The following CORIN variants were observed in gnomAD, a reference collection of about 807,000 sequenced individuals.
CORIN encodes atrial natriuretic peptide-converting enzyme.
Under a neutral mutation model 125.3 loss-of-function variants are expected in CORIN, and 117 were observed. The ratio of observed to expected loss-of-function variants is 0.93; its 90% CI spans 0.80 to 1.09. CORIN has a LOEUF of 1.09. Ranked by LOEUF, CORIN falls within the 50% of genes least tolerant of loss-of-function variation. CORIN has a pLI of 0.00. For missense variants in CORIN, 1,253 were observed against 1,306.7 expected (o/e 0.96, Z 0.63); for synonymous variants, 450 against 466.4 (o/e 0.96, Z 0.45).
At chr4:47,731,392 A>G (rs1727866564) in intron 5 of CORIN, among the ~76,000 whole-genome samples, 2 of 152,172 alleles carry the variant, frequency 1.3e-5, no homozygotes, top group Non-Finnish European at 2.9e-5. Flanking sequence ...TACCAGTGGT[A>G]TTTAAAGCCA....
chr4:47,678,970 T>C (rs1395058114), intron 8 of CORIN, among the ~76,000 whole-genome samples: 1 of 152,250 alleles, frequency 6.6e-6, no homozygotes, highest in Non-Finnish European at 1.5e-5. Context: ...ATTGTGACTT[T>C]TTATATGACT....
chr4:47,771,678 G>T (rs1353962477), intron 3 of CORIN, among the ~76,000 whole-genome samples: 1 of 152,086 alleles, frequency 6.6e-6, no homozygotes, highest in Non-Finnish European at 1.5e-5. Flanking sequence ...CCACTTATAA[G>T]TGAAAACATG....
At chr4:47,787,669 C>CAT (rs201237167) in intron 2 of CORIN, among the ~76,000 whole-genome samples, 1,851 of 152,292 alleles carry the variant, frequency 0.012, 50 homozygotes, top group African/African-American at 0.042. Flanking sequence ...TGTTTGGTAA[C>CAT]GAGTAAGTTC....
rs141909615 is a variant in CORIN at position 47,744,497 on chromosome 4, G to A, written c.704C>T (p.Pro235Leu). The A allele has an allele frequency of 3.2e-5, 51 of 1,613,668 alleles. No individual in the cohort carries two copies. The highest frequency in any genetic ancestry group is 1.6e-4 in the Middle Eastern group (1 of 6,082). Residue 235 changes from proline (P) to leucine (L), a missense_variant, in exon 5 of 22, where the codon CCG (proline) becomes CTG (leucine). By Grantham distance (98) the Pro-to-Leu change is moderately conservative (BLOSUM62 -3). Coordinates refer to ENST00000273857, the MANE Select transcript of CORIN (RefSeq NM_006587.4). ...AAACTGGGAGCATCTGAGGAAATCC[G>A]GCCAGGAGTAATTCACCATCCCCAG... ...SVLGMVNYSW[P>L]DFLRCSQFRN...
chr4:47,738,198 C>A (rs1053354486), intron 5 of CORIN, among the ~76,000 whole-genome samples: 1 of 151,978 alleles, frequency 6.6e-6, no homozygotes, highest in Non-Finnish European at 1.5e-5. Flanking sequence ...AAGAAGGACC[C>A]AGAAAGGCCC....
chr4:47,679,766 G>A (rs1422835367), intron 8 of CORIN: 2 of 167,400 alleles, frequency 1.2e-5, no homozygotes, highest in Non-Finnish European at 2.6e-5. Flanking sequence ...ACTCCTGCAG[G>A]GAAGCTTAAC....
At chr4:47,745,336 C>G (rs759605527) in intron 4 of CORIN, among the ~76,000 whole-genome samples, 1 of 152,208 alleles carries the variant, frequency 6.6e-6, no homozygotes, top group Non-Finnish European at 1.5e-5. Flanking sequence ...TTCTACTTTA[C>G]AGCTGAAGGC....
chr4:47,757,953 G>T (rs1036546607), intron 4 of CORIN, among the ~76,000 whole-genome samples: 2 of 146,568 alleles, frequency 1.4e-5, no homozygotes, highest in Non-Finnish European at 3.0e-5. Context: ...TCACTCCATC[G>T]TCCAGGCTGA....
chr4:47,618,484 G>A (rs914729628), intron 19 of CORIN, among the ~76,000 whole-genome samples: 3 of 151,954 alleles, frequency 2.0e-5, no homozygotes, highest in Admixed American at 6.6e-5. Context: ...AGACTGAAGT[G>A]AGAAGTGATG....
intron 5 of CORIN, among the ~76,000 whole-genome samples, chr4:47,739,092 T>C (rs1728263690): frequency 6.6e-6 from 1 of 151,994 alleles, no homozygotes; most frequent in Admixed American, 6.6e-5. Flanking sequence ...AACATACTCA[T>C]AATGGGAGTC....
chr4:47,613,408 G>A (rs979024404), intron 19 of CORIN, among the ~76,000 whole-genome samples: 9 of 152,102 alleles, frequency 5.9e-5, no homozygotes, highest in East Asian at 3.9e-4. Flanking sequence ...AGCCGAGACC[G>A]TGCCATTGCA....
intron 14 of CORIN, 68 bp from the exon 15 acceptor site, chr4:47,643,324 A>G: frequency 2.8e-6 from 4 of 1,404,454 alleles, no homozygotes; most frequent in Non-Finnish European, 3.9e-6. Flanking sequence ...ACTAACATGC[A>G]TATCTTCATG....
At chr4:47,671,564 G>A (rs922835345) in intron 10 of CORIN, among the ~76,000 whole-genome samples, 5 of 152,034 alleles carry the variant, frequency 3.3e-5, no homozygotes, top group African/African-American at 1.2e-4. Flanking sequence ...TGCAAGTTAG[G>A]CACATACGCC....
chr4:47,639,684 T>A (rs980685377), intron 16 of CORIN, among the ~76,000 whole-genome samples: 4 of 152,198 alleles, frequency 2.6e-5, no homozygotes, highest in Admixed American at 2.0e-4. Context: ...AGGGCTTTGA[T>A]CTGGAGGAAA....
chr4:47,741,164 A>G (rs1389472183), intron 5 of CORIN, among the ~76,000 whole-genome samples: 1 of 152,062 alleles, frequency 6.6e-6, no homozygotes, highest in Non-Finnish European at 1.5e-5. Flanking sequence ...ATGTAGGAAG[A>G]TATTTGAAGA....
intron 1 of CORIN, among the ~76,000 whole-genome samples, chr4:47,829,779 G>A (rs546701159): frequency 2.0e-5 from 3 of 152,322 alleles, no homozygotes; most frequent in African/African-American, 7.2e-5. Flanking sequence ...AAAGGGAAGA[G>A]AGAAACAATA....
At chr4:47,828,545 T>C (rs897366366) in intron 1 of CORIN, among the ~76,000 whole-genome samples, 8 of 152,252 alleles carry the variant, frequency 5.3e-5, no homozygotes, top group Admixed American at 3.3e-4. Flanking sequence ...CAGAAGCTCC[T>C]GCACTTTCTA....
At chr4:47,651,625 C>A (rs922451524) in intron 13 of CORIN, among the ~76,000 whole-genome samples, 1 of 152,216 alleles carries the variant, frequency 6.6e-6, no homozygotes, top group Non-Finnish European at 1.5e-5. Context: ...TAATTGAACT[C>A]CAAATGTATT....
chr4:47,623,762 G>A lies in CORIN; in HGVS notation c.2366-17C>T. ...GCCCACAGTCTACCAAGGAGCAGAA[G>A]ACACAGTTTGTGAGTTGATGCCAAA... On this transcript the variant is annotated splice_polypyrimidine_tract_variant and intron_variant, in intron 18 of 21. Transcript: ENST00000273857. The A allele has an allele frequency of 1.2e-6, 2 of 1,613,322 alleles. No individual in the cohort carries two copies. The highest frequency in any genetic ancestry group is 1.7e-6 in the Non-Finnish European group (2 of 1,179,854).
Sources: allele counts gnomAD v4.1 joint callset (sites outside exome capture counted in the v4.1 genomes callset), GRCh38; gene constraint gnomAD v4.1.1; transcripts MANE v1.5; gene names NCBI Gene and HGNC (gene_info 2026-07-23, HGNC 2026-07-21).